Variants in ARRB1 observed in about 807,000 individuals in gnomAD.
The protein encoded by ARRB1 is arrestin beta 1, also known as beta-arrestin-1.
A neutral mutation model predicts 56.8 loss-of-function variants in ARRB1; 21 were observed. The observed-to-expected ratio is 0.37, with a 90% CI of 0.26 to 0.53. The LOEUF is 0.53. Ranked by LOEUF, ARRB1 falls within the 20% of genes least tolerant of loss-of-function variation. ARRB1 has a pLI of 0.88. For missense variants in ARRB1, 424 were observed against 553.7 expected, an observed-to-expected ratio of 0.77 and a Z score of 2.35; for synonymous variants, 210 against 218.6, an observed-to-expected ratio of 0.96 and a Z score of 0.35.
intron 14 of ARRB1, among the ~76,000 whole-genome samples, chr11:75,268,609 C>T (rs191917647): frequency 1.4e-4 from 21 of 151,016 alleles, no homozygotes; most frequent in African/African-American, 4.6e-4. Flanking sequence ...TACTTCCAAA[C>T]GGGATCCAGC....
At chr11:75,302,050 T>C (rs1389449297) in intron 1 of ARRB1, among the ~76,000 whole-genome samples, 1 of 152,146 alleles carries the variant, frequency 6.6e-6, no homozygotes, top group Non-Finnish European at 1.5e-5. Context: ...TCAGGGAGAC[T>C]CGCTAGTGTG....
At chr11:75,351,512 C>G in intron 1 of ARRB1, 76 bp downstream of exon 1, 1 of 1,493,464 alleles carries the variant, frequency 6.7e-7, no homozygotes, top group Non-Finnish European at 8.9e-7. Flanking sequence ...AACCAGGACG[C>G]AATCGGAGCC....
intron 1 of ARRB1, among the ~76,000 whole-genome samples, chr11:75,321,904 G>A (rs1260766629): frequency 6.6e-6 from 1 of 152,202 alleles, no homozygotes. Flanking sequence ...GTCTGGCCAG[G>A]GAAACTGCAG....
intron 1 of ARRB1, 32 bp downstream of exon 1, chr11:75,351,556 C>T (rs1422096990): frequency 2.0e-6 from 3 of 1,497,460 alleles, no homozygotes; most frequent in Non-Finnish European, 2.7e-6. Flanking sequence ...CGCCCCCACG[C>T]GCCCCCCGCC....
intron 1 of ARRB1, among the ~76,000 whole-genome samples, chr11:75,312,979 C>T (rs972450984): frequency 2.0e-5 from 3 of 152,184 alleles, no homozygotes; most frequent in Non-Finnish European, 2.9e-5. Context: ...TAATTTGTAA[C>T]AGGAGTAATA....
intron 1 of ARRB1, among the ~76,000 whole-genome samples, chr11:75,304,595 C>A (rs937395741): frequency 1.3e-5 from 2 of 151,536 alleles, no homozygotes; most frequent in South Asian, 2.1e-4. Flanking sequence ...GGCGAATTTG[C>A]ACCCCAGGGG....
rs1427086479 is a variant in ARRB1 at position 75,262,272 on chromosome 11, G to C, written c.*3891C>G. Reference sequence around the variant, plus strand: ...AGGCCCCTTGGCCTCTGTGGGGTCTGAGAGATGGGAGATGTGACACCAGGC... The same window carrying C: ...AGGCCCCTTGGCCTCTGTGGGGTCTCAGAGATGGGAGATGTGACACCAGGC... On this transcript the variant is annotated 3_prime_UTR_variant, in exon 16 of 16. Transcript: ENST00000420843. 6.6e-6 allele frequency: 1 copy of C among 152,234 alleles called. No individual in the cohort carries two copies. The highest frequency in any genetic ancestry group is 2.4e-5 in the African/African-American group (1 of 41,454). The allele number at this position is 152,234 out of a possible 1,614,324, so 9.4% of individuals were successfully genotyped here.
chr11:75,284,187 G>T (rs752049205), intron 4 of ARRB1, 48 bp downstream of exon 4: 1 of 1,561,678 alleles, frequency 6.4e-7, no homozygotes, highest in Admixed American at 1.9e-5. Flanking sequence ...GGTCCGGGGG[G>T]AAGAGGAGGC....
intron 1 of ARRB1, among the ~76,000 whole-genome samples, chr11:75,324,587 T>G (rs901560164): frequency 1.3e-5 from 2 of 152,092 alleles, no homozygotes; most frequent in Non-Finnish European, 1.5e-5. Context: ...TGCCGAGCCC[T>G]GGAGGCCTGG....
Position 75,290,025 on chromosome 11 carries a change from G to A in ARRB1, c.35C>T (p.Ala12Val). Residue 12 changes from alanine to valine, a missense_variant, in exon 2 of 16, where the codon GCC becomes GTC. Ala to Val is a moderately conservative substitution (Grantham distance 64, BLOSUM62 0). This residue lies in a region of ARRB1 where 301 missense variants were observed against 387.9 expected (regional missense o/e 0.78). Coordinates refer to ENST00000420843, the MANE Select transcript of ARRB1 (RefSeq NM_004041.5). ...CAGACTCACCTTTCCATTTGGACTGGCCTTCTTGAACACTCTGTGGAGAGA... is the reference window on the plus strand; with the variant it reads ...CAGACTCACCTTTCCATTTGGACTGACCTTCTTGAACACTCTGTGGAGAGA... ...GDKGTRVFKK[A>V]SPNGKLTVYL... 1 of 1,614,238 alleles carries A rather than the reference G, an allele frequency of 6.2e-7. No individual in the cohort carries two copies.
chr11:75,294,944 C>A (rs1946696556), intron 1 of ARRB1, among the ~76,000 whole-genome samples: 1 of 152,216 alleles, frequency 6.6e-6, no homozygotes, highest in Non-Finnish European at 1.5e-5. Flanking sequence ...CACAAACAGG[C>A]CAGGTGTGGT....
chr11:75,272,909 C>T lies in ARRB1; in HGVS notation c.984G>A (p.Val328=), dbSNP rs1171188064. The T allele has an allele frequency of 6.2e-7, 1 of 1,614,068 alleles. No individual in the cohort carries two copies. Among genetic ancestry groups the T allele is most frequent in the East Asian group, 2.2e-5 (1 of 44,878 alleles). The change falls in exon 12 of 16, where the codon GTG becomes GTA. Residue 328 remains valine (V), a synonymous_variant. Transcript: ENST00000420843. ...GGAGCACTCACCCGCCCCGAGACAC[C>T]ACCAGCTTCACTTTCACTTTGTAGG... ...IVSYKVKVKL[V]VSRGGLLGDL...
chr11:75,344,886 G>A (rs904441092), intron 1 of ARRB1, among the ~76,000 whole-genome samples: 2 of 152,140 alleles, frequency 1.3e-5, no homozygotes, highest in African/African-American at 4.8e-5. Context: ...TGGGCTACAG[G>A]CCCAGGGCCA....
chr11:75,289,988 G>A, intron 2 of ARRB1, 21 bp downstream of exon 2: 1 of 1,614,184 alleles, frequency 6.2e-7, no homozygotes, highest in African/African-American at 1.3e-5. Flanking sequence ...GAGGCGCTGG[G>A]CGCAGCTGTT....
At chr11:75,298,039 CA>C (rs1297440253) in intron 1 of ARRB1, among the ~76,000 whole-genome samples, 1 of 118,512 alleles carries the variant, frequency 8.4e-6, no homozygotes, top group Non-Finnish European at 1.7e-5. Context: ...AAAAAATAGA[CA>C]AAATTTTAAA....
At chr11:75,306,878 T>C (rs1947046109) in intron 1 of ARRB1, among the ~76,000 whole-genome samples, 1 of 152,186 alleles carries the variant, frequency 6.6e-6, no homozygotes, top group Admixed American at 6.5e-5. Flanking sequence ...TCCCCAAGGA[T>C]GGTGACGGTC....
At chr11:75,266,834 G>A (rs948185952) in intron 15 of ARRB1, among the ~76,000 whole-genome samples, 8 of 152,318 alleles carry the variant, frequency 5.3e-5, no homozygotes, top group African/African-American at 1.9e-4. Flanking sequence ...TACCTTGGGG[G>A]ATCCCAGACA....
chr11:75,327,357 G>C (rs1429745085), intron 1 of ARRB1, among the ~76,000 whole-genome samples: 1 of 143,702 alleles, frequency 7.0e-6, no homozygotes, highest in African/African-American at 2.6e-5. Flanking sequence ...TTTTGAAACA[G>C]AGTCTCACTA....
intron 1 of ARRB1, among the ~76,000 whole-genome samples, chr11:75,349,943 C>T (rs1947821930): frequency 6.6e-6 from 1 of 152,262 alleles, no homozygotes; most frequent in Admixed American, 6.5e-5. Flanking sequence ...AAGTGGACTC[C>T]AGCCTCCGCC....
Sources: allele counts gnomAD v4.1 joint callset (sites outside exome capture counted in the v4.1 genomes callset), GRCh38; gene constraint gnomAD v4.1.1; regional missense constraint gnomAD v4.1.1; transcripts MANE v1.5; gene names NCBI Gene and HGNC (gene_info 2026-07-23, HGNC 2026-07-21).